NSUN6: variants seen among roughly 807,000 people sequenced by gnomAD.
The protein encoded by NSUN6 is tRNA (cytosine(72)-C(5))-methyltransferase NSUN6.
NSUN6 carries 64 observed loss-of-function variants against 58.0 expected under a neutral mutation model. That is an observed-to-expected ratio of 1.10 (90% CI 0.90 to 1.36). The LOEUF (loss-of-function observed/expected upper bound fraction) is 1.36. NSUN6 is among the 40% of genes most tolerant of loss of function. NSUN6 has a pLI of 0.00. For missense variants in NSUN6, 701 were observed against 550.1 expected, an observed-to-expected ratio of 1.27 and a Z score of -2.74; for synonymous variants, 231 against 193.9, an observed-to-expected ratio of 1.19 and a Z score of -1.59.
intron 10 of NSUN6, 57 bp downstream of exon 10, chr10:18,548,055 G>A: frequency 7.1e-6 from 11 of 1,554,522 alleles, no homozygotes; most frequent in African/African-American, 1.4e-5. Context: ...GATTACCACA[G>A]TGCTTCAGTT....
At chr10:18,576,781 G>A (rs548050239) in intron 8 of NSUN6, among the ~76,000 whole-genome samples, 3 of 152,200 alleles carry the variant, frequency 2.0e-5, no homozygotes, top group Non-Finnish European at 4.4e-5. Context: ...GCAGATTGTG[G>A]TGGTATTGTG....
chr10:18,601,898 C>T (rs945462183), intron 6 of NSUN6, among the ~76,000 whole-genome samples: 14 of 150,378 alleles, frequency 9.3e-5, no homozygotes, highest in African/African-American at 2.7e-4. Flanking sequence ...TGCTTCAACC[C>T]GGAGGCAGAG....
chr10:18,599,300 T>C (rs1302185859), intron 6 of NSUN6, among the ~76,000 whole-genome samples: 3 of 152,162 alleles, frequency 2.0e-5, no homozygotes. Flanking sequence ...GTATGTTGCC[T>C]AGGCTAGTCT....
chr10:18,640,311 C>G (rs756300532), intron 3 of NSUN6, among the ~76,000 whole-genome samples: 6 of 152,074 alleles, frequency 3.9e-5, no homozygotes, highest in Non-Finnish European at 8.8e-5. Flanking sequence ...TGAGGTGGGA[C>G]AGGAGATGTA....
chr10:18,563,160 T>C (rs2055663672), intron 8 of NSUN6, among the ~76,000 whole-genome samples: 1 of 141,482 alleles, frequency 7.1e-6, no homozygotes, highest in Non-Finnish European at 1.5e-5. Context: ...TGGAACAAAA[T>C]GGAGAATGGA....
chr10:18,652,780 AAACTCCTG>A, upstream of NSUN6: 1 of 529,872 alleles, frequency 1.9e-6, no homozygotes, highest in Non-Finnish European at 2.4e-6. Context: ...GGCTGGTCTC[AAACTCCTG>A]ACTTCAACTG....
At chr10:18,586,701 A>G (rs1380976615) in intron 7 of NSUN6, among the ~76,000 whole-genome samples, 2 of 152,246 alleles carry the variant, frequency 1.3e-5, no homozygotes, top group Non-Finnish European at 2.9e-5. Context: ...AGACCCAAAG[A>G]GTCAGCGGCA....
At chr10:18,565,595 CCATTCTCCATTCCATTCTCCATTTGTTA>C (rs2055867344) in intron 8 of NSUN6, among the ~76,000 whole-genome samples, 1 of 151,132 alleles carries the variant, frequency 6.6e-6, no homozygotes, top group Non-Finnish European at 1.5e-5. Context: ...GCACTCTATT[CCATTCTCCATTCCATTCTCCATTTGTTA>C]CATTTTCCAT....
intron 7 of NSUN6, among the ~76,000 whole-genome samples, chr10:18,587,977 A>G (rs1489729303): frequency 6.6e-6 from 1 of 152,066 alleles, no homozygotes; most frequent in East Asian, 1.9e-4. Flanking sequence ...AAGTGGTCTC[A>G]CTCAGTAGGT....
chr10:18,552,759 T>TATTCTCCATTCCATTTG (rs1033260491), intron 8 of NSUN6, among the ~76,000 whole-genome samples: 1 of 148,090 alleles, frequency 6.8e-6, no homozygotes, highest in African/African-American at 2.4e-5. Context: ...TACTCCATTC[T>TATTCTCCATTCCATTTG]ATTCTCCATT....
At chr10:18,622,983 G>C (rs896929793) in intron 3 of NSUN6, among the ~76,000 whole-genome samples, 3 of 152,194 alleles carry the variant, frequency 2.0e-5, no homozygotes, top group Non-Finnish European at 4.4e-5. Context: ...CTGGTTGAGA[G>C]ATGTTTTAAA....
At chr10:18,566,595 ATTCCATTCTCCAGTCCC>A (rs1223328478) in intron 8 of NSUN6, among the ~76,000 whole-genome samples, 1 of 146,372 alleles carries the variant, frequency 6.8e-6, no homozygotes, top group Non-Finnish European at 1.5e-5. Flanking sequence ...TCTCCATTCC[ATTCCATTCTCCAGTCCC>A]TTCCATTCTC....
upstream of NSUN6, chr10:18,653,251 C>T (rs2059739748): frequency 2.0e-6 from 2 of 983,872 alleles, no homozygotes; most frequent in Non-Finnish European, 2.4e-6. Context: ...CAAATACTTA[C>T]TGAATGACTA....
intron 3 of NSUN6, 107 bp from the exon 4 acceptor site, chr10:18,616,400 T>C (rs1368353707): frequency 3.3e-6 from 2 of 614,978 alleles, no homozygotes; most frequent in East Asian, 5.8e-5. Flanking sequence ...TTAACTGTCC[T>C]GAATACATAA....
chr10:18,640,870 AAAC>A lies in NSUN6; in HGVS notation c.311+1603_311+1605del, dbSNP rs1210053193. Among the ~76,000 whole-genome samples the A allele has an allele frequency of 1.5e-4, 23 of 152,110 alleles. No individual in the cohort carries two copies. The South Asian group carries it at 4.8e-3, about 32-fold the overall frequency. ...TACATTCTTATAGTAAAAAAAAAAA[AAAC>A]AAAAATATTACACATGAAAATTTCC... On this transcript the variant is annotated intron_variant, in intron 3 of 10. Coordinates refer to ENST00000377304, the MANE Select transcript of NSUN6 (RefSeq NM_182543.5).
chr10:18,557,614 C>T (rs117539117), intron 8 of NSUN6, among the ~76,000 whole-genome samples: 9,042 of 132,194 alleles, frequency 0.068, 398 homozygotes, highest in Middle Eastern at 0.22. Flanking sequence ...TGGATTGGAA[C>T]GGAGAATGGA....
intron 8 of NSUN6, among the ~76,000 whole-genome samples, chr10:18,577,667 A>G (rs1429415119): frequency 6.6e-6 from 1 of 152,222 alleles, no homozygotes; most frequent in Non-Finnish European, 1.5e-5. Context: ...TATGAGTTCT[A>G]AATTTCTCTT....
At chr10:18,583,043 A>G (rs1017385706) in intron 8 of NSUN6, among the ~76,000 whole-genome samples, 24 of 152,210 alleles carry the variant, frequency 1.6e-4, no homozygotes, top group Admixed American at 1.6e-3. Flanking sequence ...AGTCTGGAGC[A>G]GTCAAAGAAA....
intron 8 of NSUN6, among the ~76,000 whole-genome samples, chr10:18,574,992 C>T (rs1415279999): frequency 6.6e-6 from 1 of 152,146 alleles, no homozygotes; most frequent in African/African-American, 2.4e-5. Flanking sequence ...CATCTCCCTC[C>T]TCCTACTGTA....
Sources: gnomAD v4.1 joint callset for allele counts (sites outside exome capture counted in the v4.1 genomes callset) on GRCh38, gnomAD v4.1.1 for gene constraint, MANE v1.5 for transcripts, NCBI Gene and HGNC (gene_info 2026-07-23, HGNC 2026-07-21) for gene names.